ABCB10: variants seen among roughly 807,000 people sequenced by gnomAD.
ABCB10 encodes the protein ATP binding cassette subfamily B member 10.
A neutral mutation model predicts 65.4 loss-of-function variants in ABCB10; 54 were observed. That is an observed-to-expected ratio of 0.83 (90% CI 0.66 to 1.04). The LOEUF (loss-of-function observed/expected upper bound fraction) is 1.04, where lower values mean the gene tolerates loss of function less well. Ranked by LOEUF, ABCB10 falls within the 50% of genes least tolerant of loss-of-function variation. The pLI, the probability that ABCB10 is intolerant of heterozygous loss-of-function variation, is 0.00. For synonymous variants in ABCB10, 418 were observed against 406.5 expected (o/e 1.03, Z -0.34); for missense variants, 846 against 976.6 (o/e 0.87, Z 1.78).
Position 229,549,323 on chromosome 1 carries a change from T to C in ABCB10, c.629A>G (p.Asn210Ser), listed in dbSNP as rs773719155. 6.2e-7 allele frequency: 1 copy of C among 1,613,228 alleles called. No individual in the cohort carries two copies. The highest frequency in any genetic ancestry group is 1.3e-5 in the African/African-American group (1 of 74,740). ...YTNPTVDYSDNLTRLCLGLSA... is the reference protein window; with the variant it reads ...YTNPTVDYSDSLTRLCLGLSA... ...GAGCCCTAGGCAGAGGCGGGTCAGGTTGTCGCTGTAGTCCACAGTGGGGTT... is the reference window on the plus strand; with the variant it reads ...GAGCCCTAGGCAGAGGCGGGTCAGGCTGTCGCTGTAGTCCACAGTGGGGTT... The change falls in exon 2 of 13, where the codon AAC becomes AGC. Residue 210 changes from asparagine to serine, a missense_variant. Coordinates refer to ENST00000344517, the MANE Select transcript of ABCB10 (RefSeq NM_012089.3).
At chr1:229,546,171 C>CAAA (rs1236717877) in intron 3 of ABCB10, among the ~76,000 whole-genome samples, 2 of 55,032 alleles carry the variant, frequency 3.6e-5, no homozygotes, top group East Asian at 5.6e-4. Context: ...TACTCCGTCT[C>CAAA]AAAAAAAAAA....
Position 229,542,418 on chromosome 1 carries a change from G to T in ABCB10, c.922-47C>A, listed in dbSNP as rs141170633. On this transcript the variant is annotated intron_variant, in intron 3 of 12. Transcript: ENST00000344517. ...TCAGAGGTGTTTGTTACATTGGGTGGCAAGACATTCTCATTACCTACGAAA... is the reference window on the plus strand; with the variant it reads ...TCAGAGGTGTTTGTTACATTGGGTGTCAAGACATTCTCATTACCTACGAAA... 5.7e-6 allele frequency: 9 copies of T among 1,591,446 alleles called. No homozygotes were observed. The African/African-American group carries it at 9.5e-5, about 17-fold the overall frequency.
At chr1:229,533,043 G>C (rs1359867219) in intron 6 of ABCB10, among the ~76,000 whole-genome samples, 1 of 152,134 alleles carries the variant, frequency 6.6e-6, no homozygotes, top group Non-Finnish European at 1.5e-5. Context: ...CTGGGCTCAA[G>C]CAATCCTCCT....
At chr1:229,555,979 CAAA>C (rs34673510) in intron 1 of ABCB10, among the ~76,000 whole-genome samples, 7 of 124,230 alleles carry the variant, frequency 5.6e-5, no homozygotes, top group Non-Finnish European at 8.3e-5. Context: ...GTTTGAAAAG[CAAA>C]AAAAAAAAAA....
At chr1:229,528,325 CT>C (rs67565614) in intron 8 of ABCB10, among the ~76,000 whole-genome samples, 5,736 of 146,214 alleles carry the variant, frequency 0.039, 287 homozygotes, top group African/African-American at 0.12. Flanking sequence ...TTTTTTTGGT[CT>C]TTTTTTTTTT....
intron 9 of ABCB10, 136 bp downstream of exon 9, chr1:229,527,093 T>A: frequency 1.3e-6 from 1 of 780,066 alleles, no homozygotes. Flanking sequence ...CAACCTGCCA[T>A]GTGAGATGAG....
rs373843971 is a variant in ABCB10, at chr1:229,551,703, A to C, written c.518-2269T>G. On this transcript the variant is annotated intron_variant, in intron 1 of 12. Coordinates refer to ENST00000344517, the MANE Select transcript of ABCB10 (RefSeq NM_012089.3). The stretch of plus-strand genomic sequence containing the variant: ...CTTGTTTCAAAGCACCATGCTTCTT[A>C]CAACAGTGCCCAAAGGGGCTTGAAG... 1.5e-3 allele frequency among the ~76,000 whole-genome samples: 223 copies of C among 152,338 alleles called. 5 individuals carry two copies. In the South Asian group the frequency reaches 0.044, roughly 30 times the overall value.
At chr1:229,533,652 C>A (rs1662637804) in intron 6 of ABCB10, among the ~76,000 whole-genome samples, 1 of 152,146 alleles carries the variant, frequency 6.6e-6, no homozygotes. Context: ...GACACAGAAG[C>A]AAACGCAATA....
intron 3 of ABCB10, among the ~76,000 whole-genome samples, chr1:229,545,630 A>C (rs1662948607): frequency 6.6e-6 from 1 of 152,224 alleles, no homozygotes; most frequent in Non-Finnish European, 1.5e-5. Flanking sequence ...TTTCAATTGT[A>C]CATTTTATAA....
At chr1:229,521,486 A>G (rs1662314739) in intron 11 of ABCB10, 106 bp downstream of exon 11, 2 of 1,400,692 alleles carry the variant, frequency 1.4e-6, no homozygotes, top group African/African-American at 1.5e-5. Flanking sequence ...AAAAAAAAAA[A>G]CAAAAAACAG....
chr1:229,521,181 T>C (rs1218231025), intron 11 of ABCB10, among the ~76,000 whole-genome samples: 1 of 152,214 alleles, frequency 6.6e-6, no homozygotes, highest in East Asian at 1.9e-4. Context: ...GCTCTTCCCT[T>C]TCCTTCTAGG....
intron 3 of ABCB10, 39 bp from the exon 4 acceptor site, chr1:229,542,410 A>C (rs750533786): frequency 6.3e-7 from 1 of 1,597,788 alleles, no homozygotes. Context: ...TGTTTGTTAC[A>C]TTGGGTGGCA....
chr1:229,553,935 A>T (rs1663180557), intron 1 of ABCB10, among the ~76,000 whole-genome samples: 1 of 152,170 alleles, frequency 6.6e-6, no homozygotes, highest in South Asian at 2.1e-4. Flanking sequence ...TACAATGCCC[A>T]GGGCTGAGTA....
chr1:229,542,896 C>T (rs1184287363), intron 3 of ABCB10, among the ~76,000 whole-genome samples: 4 of 151,896 alleles, frequency 2.6e-5, no homozygotes, highest in African/African-American at 7.3e-5. Flanking sequence ...TTTGGGAGGC[C>T]GAGGCGGGCA....
chr1:229,518,117 GTTTT>G lies in ABCB10; in HGVS notation c.*58_*61del. The G allele has an allele frequency of 7.9e-7, 1 of 1,259,122 alleles. No homozygotes were observed. Among genetic ancestry groups the G allele is most frequent in the South Asian group, 1.3e-5 (1 of 76,632 alleles). 78.0% of individuals were successfully genotyped at this position (1,259,122 alleles called of 1,614,324 possible). A position where few individuals can be genotyped will look rare whatever the true frequency, so the allele number is the denominator to read the frequency against. On this transcript the variant is annotated 3_prime_UTR_variant, in exon 13 of 13. Coordinates refer to ENST00000344517, the MANE Select transcript of ABCB10 (RefSeq NM_012089.3). ...GGTTTATGTATTTCATAGTCTCTGA[GTTTT>G]TTTTCTGCAACACTGTTTTGCATTA...
At chr1:229,551,016 C>T (rs1381216168) in intron 1 of ABCB10, among the ~76,000 whole-genome samples, 1 of 152,144 alleles carries the variant, frequency 6.6e-6, no homozygotes, top group Admixed American at 6.5e-5. Context: ...TGGCCTCAAG[C>T]AGTCCTCCCA....
At chr1:229,522,981 C>G (rs1004230341) in intron 10 of ABCB10, among the ~76,000 whole-genome samples, 1 of 152,184 alleles carries the variant, frequency 6.6e-6, no homozygotes, top group Non-Finnish European at 1.5e-5. Context: ...TCCCCAGTAC[C>G]TGGGACTACA....
At chr1:229,525,594 A>C (rs951981593) in intron 10 of ABCB10, among the ~76,000 whole-genome samples, 3 of 152,204 alleles carry the variant, frequency 2.0e-5, no homozygotes, top group Admixed American at 1.3e-4. Context: ...TAATCCCAGC[A>C]CTTTGCGAGG....
chr1:229,550,601 C>T (rs1663084732), intron 1 of ABCB10, among the ~76,000 whole-genome samples: 1 of 150,666 alleles, frequency 6.6e-6, no homozygotes, highest in Admixed American at 6.6e-5. Flanking sequence ...GCCTGTAATC[C>T]CAGCACTTTG....
Sources: gnomAD v4.1 joint callset for allele counts (sites outside exome capture counted in the v4.1 genomes callset) on GRCh38, gnomAD v4.1.1 for gene constraint, MANE v1.5 for transcripts, NCBI Gene and HGNC (gene_info 2026-07-23, HGNC 2026-07-21) for gene names.